SPDYE5: variants seen among roughly 807,000 people sequenced by gnomAD.
The protein encoded by SPDYE5 is speedy/RINGO cell cycle regulator family member E5, also known as speedy protein E5.
A neutral mutation model predicts 48.5 loss-of-function variants in SPDYE5; 15 were observed. The ratio of observed to expected loss-of-function variants is 0.31; its 90% confidence interval spans 0.21 to 0.48. SPDYE5 has a LOEUF of 0.48. Ranked by LOEUF, SPDYE5 falls within the 20% of genes least tolerant of loss-of-function variation. SPDYE5 has a pLI of 0.99. For synonymous variants in SPDYE5, 116 were observed against 200.7 expected (o/e 0.58, Z 3.57); for missense variants, 331 against 549.1 (o/e 0.60, Z 3.97).
rs1793217621 is a variant in SPDYE5, at chr7:75,503,331, T to A, written c.*544T>A. ...GTTGGCCATTGAATTATTCATAGAT[T>A]TATTTCAAATAGTTTGGAAATTGTT... On this transcript the variant is annotated 3_prime_UTR_variant, in exon 9 of 9. Transcript: ENST00000625065. The A allele has an allele frequency of 5.3e-6, 1 of 187,984 alleles. No homozygotes were observed. Among genetic ancestry groups the A allele is most frequent in the Non-Finnish European group, 1.1e-5 (1 of 90,136 alleles). 11.6% of individuals were successfully genotyped at this position (187,984 alleles called of 1,614,324 possible). A position where few individuals can be genotyped will look rare whatever the true frequency, so the allele number is the denominator to read the frequency against.
At chr7:75,500,097 G>T (rs1793087167) in intron 6 of SPDYE5, among the ~76,000 whole-genome samples, 1 of 112,102 alleles carries the variant, frequency 8.9e-6, no homozygotes, top group African/African-American at 3.5e-5. Context: ...GGGCTTCCTA[G>T]TGCAGCCTGA....
At chr7:75,494,586 G>A (rs587673217) in intron 2 of SPDYE5, among the ~76,000 whole-genome samples, 92 of 151,494 alleles carry the variant, frequency 6.1e-4, no homozygotes, top group Admixed American at 3.3e-3. Flanking sequence ...AGGGTGTGTG[G>A]GAAGAATGGA....
intron 2 of SPDYE5, chr7:75,494,832 A>T (rs1203620838): frequency 7.5e-7 from 1 of 1,324,790 alleles, no homozygotes; most frequent in African/African-American, 1.5e-5. Context: ...TGTTGCAGTG[A>T]GCTGAGATTG....
chr7:75,493,658 A>G lies in SPDYE5; in HGVS notation c.-390A>G, dbSNP rs3926476. Reference sequence around the variant, plus strand: ...CTCTGAAATGGGCATGTACAGAGACAAAGAGACCCCAACATGCTTCAGGCT... The same window carrying G: ...CTCTGAAATGGGCATGTACAGAGACGAAGAGACCCCAACATGCTTCAGGCT... On this transcript the variant is annotated 5_prime_UTR_variant, in exon 2 of 9. Coordinates refer to ENST00000625065, the MANE Select transcript of SPDYE5 (RefSeq NM_001306141.4). 1,210 of 1,337,112 alleles carry G rather than the reference A, an allele frequency of 9.0e-4. 12 individuals carry two copies. In the East Asian group the frequency reaches 0.02, roughly 22 times the overall value. The allele number at this position is 1,337,112 out of a possible 1,614,324, so 82.8% of individuals were successfully genotyped here. A position where few individuals can be genotyped will look rare whatever the true frequency, so the allele number is the denominator to read the frequency against.
Position 75,501,730 on chromosome 7 carries a change from G to C in SPDYE5, c.1124G>C (p.Trp375Ser). 6.2e-7 allele frequency: 1 copy of C among 1,613,166 alleles called. No homozygotes were observed. Among genetic ancestry groups the C allele is most frequent in the Admixed American group, 1.7e-5 (1 of 60,024 alleles). The change falls in exon 7 of 9, where the codon TGG (tryptophan) becomes TCG (serine). Residue 375 changes from tryptophan to serine, a missense_variant. This residue lies in a region of SPDYE5 where 101 missense variants were observed against 104.0 expected (regional missense o/e 0.97). Coordinates refer to ENST00000625065, the MANE Select transcript of SPDYE5 (RefSeq NM_001306141.4). ...QFFCSMSGRA[W>S]VSPEELEEIQ... Reference sequence around the variant, plus strand: ...TTCTGTTCCATGAGCGGCAGGGCTTGGGTTTCCCCGGAGGAGTTGGAGGAG... The same window carrying C: ...TTCTGTTCCATGAGCGGCAGGGCTTCGGTTTCCCCGGAGGAGTTGGAGGAG...
chr7:75,499,596 G>A (rs1330561540), intron 6 of SPDYE5, among the ~76,000 whole-genome samples: 4 of 151,862 alleles, frequency 2.6e-5, no homozygotes, highest in South Asian at 2.1e-4. Flanking sequence ...GCCAAACCCC[G>A]TCTCTACGAA....
At position 75,501,531 on chromosome 7, in the gene SPDYE5, C is replaced by A. The variant is rs880001462; in HGVS notation, c.925C>A (p.Leu309Ile). The A allele has an allele frequency of 6.6e-7, 1 of 1,511,408 alleles. No homozygotes were observed. Among genetic ancestry groups the A allele is most frequent in the African/African-American group, 1.4e-5 (1 of 71,432 alleles). 93.6% of individuals were successfully genotyped at this position (1,511,408 alleles called of 1,614,324 possible). A position where few individuals can be genotyped will look rare whatever the true frequency, so the allele number is the denominator to read the frequency against. The change falls in exon 7 of 9, where the codon CTC becomes ATC. Residue 309 changes from leucine to isoleucine, a missense_variant. This residue lies in a region of SPDYE5 where 70 missense variants were observed against 87.6 expected (regional missense o/e 0.80). Coordinates refer to ENST00000625065, the MANE Select transcript of SPDYE5 (RefSeq NM_001306141.4). ...ARKKRSRIPL[L>I]RKRRFQLGRS... ...GAAGAAGCGCTCTCGCATACCCTTG[C>A]TCCGTAAGCGTCGGTTCCAGTTAGG...
chr7:75,499,677 G>A (rs587637461), intron 6 of SPDYE5, among the ~76,000 whole-genome samples: 1 of 143,810 alleles, frequency 7.0e-6, no homozygotes, highest in South Asian at 2.2e-4. Context: ...TGAGGCAAGA[G>A]AACCCTTTGA....
In SPDYE5 at chr7:75,503,885, A is replaced by G; in HGVS notation, c.*1098A>G. The G allele has an allele frequency of 6.6e-6, 1 of 151,664 alleles. No homozygotes were observed. The highest frequency in any genetic ancestry group is 6.6e-5 in the Admixed American group (1 of 15,218). 9.4% of individuals were successfully genotyped at this position (151,664 alleles called of 1,614,324 possible). ...ATTTTTGAATAGATGCTGTTTCTAT[A>G]AAGCTGTGTGATGGGTGTTATAACT... On this transcript the variant is annotated 3_prime_UTR_variant, in exon 9 of 9. Coordinates refer to ENST00000625065, the MANE Select transcript of SPDYE5 (RefSeq NM_001306141.4).
At chr7:75,502,056 G>C (rs1487694450) in intron 8 of SPDYE5, 74 bp downstream of exon 8, 21 of 1,492,864 alleles carry the variant, frequency 1.4e-5, no homozygotes, top group African/African-American at 2.7e-5. Context: ...CCAATTGCTT[G>C]ATCCGGCTTC....
In SPDYE5 at chr7:75,501,143, C is replaced by T. The variant is rs1310609238; in HGVS notation, c.756-219C>T. 4.6e-5 allele frequency among the ~76,000 whole-genome samples: 7 copies of T among 152,300 alleles called. 1 individual carries two copies. Among genetic ancestry groups the T allele is most frequent in the African/African-American group, 1.2e-4 (5 of 41,578 alleles). On this transcript the variant is annotated intron_variant, in intron 6 of 8. Coordinates refer to ENST00000625065, the MANE Select transcript of SPDYE5 (RefSeq NM_001306141.4). ...TCCAGGCATAAGCCACCACTCTCGGCCACCAGTTGGGTTTTTGTCTCCATC... is the reference window on the plus strand; with the variant it reads ...TCCAGGCATAAGCCACCACTCTCGGTCACCAGTTGGGTTTTTGTCTCCATC...
At chr7:75,493,231 C>T (rs1554481975) in intron 1 of SPDYE5, among the ~76,000 whole-genome samples, 1 of 151,212 alleles carries the variant, frequency 6.6e-6, no homozygotes. Context: ...AGTTTCTTAG[C>T]CGAACTGGAG....
chr7:75,491,871 C>T (rs1792748789), upstream of SPDYE5, among the ~76,000 whole-genome samples: 1 of 151,736 alleles, frequency 6.6e-6, no homozygotes, highest in Non-Finnish European at 1.5e-5. Context: ...CACCCCCACG[C>T]CCAGCTCATT....
intron 4 of SPDYE5, among the ~76,000 whole-genome samples, chr7:75,497,396 G>A (rs1158202208): frequency 6.6e-6 from 1 of 150,790 alleles, no homozygotes; most frequent in African/African-American, 2.4e-5. Flanking sequence ...TCAGGCCACT[G>A]CATTCCAGCC....
At chr7:75,498,878 C>T (rs1470603688) in intron 5 of SPDYE5, among the ~76,000 whole-genome samples, 1 of 151,860 alleles carries the variant, frequency 6.6e-6, no homozygotes, top group African/African-American at 2.4e-5. Flanking sequence ...CACAGTCTGG[C>T]CGCAGCCCTG....
chr7:75,501,311 G>T, intron 6 of SPDYE5, 51 bp from the exon 7 acceptor site: 6 of 1,611,344 alleles, frequency 3.7e-6, no homozygotes, highest in Non-Finnish European at 5.1e-6. Context: ...ACCTCAGCCG[G>T]AGGCCTCTCT....
In SPDYE5 at chr7:75,501,663, C is replaced by T. The variant is rs1402037278; in HGVS notation, c.1057C>T (p.Arg353Cys). Residue 353 changes from arginine to cysteine, a missense_variant, in exon 7 of 9, where the codon CGC (arginine) becomes TGC (cysteine). Coordinates refer to ENST00000625065, the MANE Select transcript of SPDYE5 (RefSeq NM_001306141.4). ...CATGAACCTGAGGGCCAGGAAGAAC[C>T]GCTCTCAGATAGTCCTGTTCCAGAA... ...RSMNLRARKN[R>C]SQIVLFQKRR... 9 of 1,613,634 alleles carry T rather than the reference C, an allele frequency of 5.6e-6. No homozygotes were observed. The highest frequency in any genetic ancestry group is 5.3e-5 in the African/African-American group (4 of 74,940).
At chr7:75,502,548 C>A (rs1554483756) in intron 8 of SPDYE5, among the ~76,000 whole-genome samples, 4 of 152,088 alleles carry the variant, frequency 2.6e-5, no homozygotes, top group African/African-American at 9.7e-5. Context: ...AAGCCACATT[C>A]TCTGAGGGTG....
At position 75,492,384 on chromosome 7, in the gene SPDYE5, G is replaced by A. The variant is rs587644060; in HGVS notation, c.-479G>A. Among the ~76,000 whole-genome samples, 1,695 of 152,078 alleles carry A rather than the reference G, an allele frequency of 0.011. 37 individuals carry two copies. The highest frequency in any genetic ancestry group is 0.038 in the African/African-American group (1,568 of 41,488). On this transcript the variant is annotated 5_prime_UTR_variant, in exon 1 of 9. Transcript: ENST00000625065. ...TTCAGTGTGTGCCTTTTCTATGAGC[G>A]AGAGACTCCTAGGAAAGCAGCAGCC...
Sources: gnomAD v4.1 joint callset for allele counts (sites outside exome capture counted in the v4.1 genomes callset) on GRCh38, gnomAD v4.1.1 for gene constraint, gnomAD v4.1.1 regional missense constraint, MANE v1.5 for transcripts, NCBI Gene and HGNC (gene_info 2026-07-23, HGNC 2026-07-21) for gene names.